The following ATXN2 variants were observed in gnomAD, a reference collection of about 807,000 sequenced individuals.
The protein encoded by ATXN2 is ataxin 2, also known as ataxin-2.
A neutral mutation model predicts 138.6 loss-of-function variants in ATXN2; 37 were observed. The observed-to-expected ratio is 0.27, with a 90% confidence interval of 0.21 to 0.35. The LOEUF is 0.35. ATXN2 is among the 10% of genes least tolerant of loss of function. The pLI is 1.00. For missense variants in ATXN2, 1,216 were observed against 1,480.3 expected, an observed-to-expected ratio of 0.82 and a Z score of 2.93; for synonymous variants, 549 against 543.7, an observed-to-expected ratio of 1.01 and a Z score of -0.13.
chr12:111,465,977 C>T (rs1265645697), intron 20 of ATXN2, among the ~76,000 whole-genome samples: 1 of 149,308 alleles, frequency 6.7e-6, no homozygotes, highest in East Asian at 2.0e-4. Context: ...ACCAGCCTGA[C>T]CAACATGGTG....
At chr12:111,505,070 C>A (rs1030364119) in intron 14 of ATXN2, among the ~76,000 whole-genome samples, 1 of 152,048 alleles carries the variant, frequency 6.6e-6, no homozygotes, top group Non-Finnish European at 1.5e-5. Flanking sequence ...CAAAAAAATA[C>A]AAAAGTTATT....
In ATXN2 at chr12:111,485,613, A is replaced by G. The variant is rs2285518; in HGVS notation, c.2457+100T>C. ...GCCTGTCTGTTTCAAATGCATATGC[A>G]TAACCATCACACCCTCAAGTCACTG... On this transcript the variant is annotated intron_variant, in intron 17 of 24. Transcript: ENST00000673436. The G allele has an allele frequency of 0.032, 45,899 of 1,426,088 alleles. 9,001 individuals carry two copies. In the East Asian group the frequency reaches 0.59, roughly 18 times the overall value. The allele number at this position is 1,426,088 out of a possible 1,614,324, so 88.3% of individuals were successfully genotyped here.
At chr12:111,499,468 C>G (rs1378491584) in intron 14 of ATXN2, among the ~76,000 whole-genome samples, 1 of 152,186 alleles carries the variant, frequency 6.6e-6, no homozygotes, top group African/African-American at 2.4e-5. Flanking sequence ...CTTTGGGAGG[C>G]TGAGGCAGGT....
At position 111,510,933 on chromosome 12, in the gene ATXN2, T is replaced by C. The variant is rs190777418; in HGVS notation, c.1559-351A>G. 692 of 168,932 alleles carry C rather than the reference T, an allele frequency of 4.1e-3. 3 individuals are homozygous for C. The highest frequency in any genetic ancestry group is 0.015 in the African/African-American group (643 of 41,756). The allele number at this position is 168,932 out of a possible 1,614,324, so 10.5% of individuals were successfully genotyped here. A position where few individuals can be genotyped will look rare whatever the true frequency, so the allele number is the denominator to read the frequency against. ...TAGTAGAGACGGGGTTTCACCATGC[T>C]GGCCAGGCTGGTCTCAAACTCCTGA... On this transcript the variant is annotated intron_variant, in intron 11 of 24. Transcript: ENST00000673436.
At chr12:111,503,715 G>C (rs979117769) in intron 14 of ATXN2, among the ~76,000 whole-genome samples, 1 of 151,412 alleles carries the variant, frequency 6.6e-6, no homozygotes, top group Admixed American at 6.6e-5. Flanking sequence ...TCAGCCTCCT[G>C]AGTAGCTGGG....
intron 1 of ATXN2, among the ~76,000 whole-genome samples, chr12:111,579,777 C>T (rs1168244109): frequency 6.6e-6 from 1 of 151,234 alleles, no homozygotes; most frequent in Non-Finnish European, 1.5e-5. Context: ...TGGTTCACTG[C>T]AACCTCCTCC....
At chr12:111,520,477 C>G (rs1880095847) in intron 7 of ATXN2, among the ~76,000 whole-genome samples, 1 of 151,940 alleles carries the variant, frequency 6.6e-6, no homozygotes, top group Non-Finnish European at 1.5e-5. Context: ...ATGGTGAAAC[C>G]CCGTCTCTAC....
At chr12:111,542,146 T>G (rs940782785) in intron 5 of ATXN2, among the ~76,000 whole-genome samples, 5 of 148,374 alleles carry the variant, frequency 3.4e-5, no homozygotes, top group Non-Finnish European at 7.6e-5. Flanking sequence ...CCATTCAAAG[T>G]ATGGCATGTT....
At chr12:111,594,342 ATT>A (rs879733716) in intron 1 of ATXN2, among the ~76,000 whole-genome samples, 11 of 145,866 alleles carry the variant, frequency 7.5e-5, no homozygotes, top group African/African-American at 1.2e-4. Flanking sequence ...ATCACAGCAC[ATT>A]TTTTTTTTTT....
intron 1 of ATXN2, among the ~76,000 whole-genome samples, chr12:111,568,169 G>A (rs754963469): frequency 3.3e-5 from 5 of 152,014 alleles, no homozygotes; most frequent in Non-Finnish European, 5.9e-5. Context: ...GCTGAGGCAG[G>A]AGAATCGCTT....
At position 111,589,498 on chromosome 12, in the gene ATXN2, G is replaced by A. The variant is rs1295398326; in HGVS notation, c.251+9286C>T. On this transcript the variant is annotated intron_variant, in intron 1 of 24. Coordinates refer to ENST00000673436, the MANE Select transcript of ATXN2 (RefSeq NM_001372574.1). ...ATAAAAACAAACAAAAAAGCTAGGC[G>A]CAGTGGCTTATGCCTGTAATTCCAG... 4.6e-5 allele frequency among the ~76,000 whole-genome samples: 7 copies of A among 151,946 alleles called. No individual in the cohort carries two copies. In the South Asian group the frequency reaches 8.3e-4, roughly 18 times the overall value.
At chr12:111,480,701 T>C (rs899148444) in intron 18 of ATXN2, among the ~76,000 whole-genome samples, 1 of 152,052 alleles carries the variant, frequency 6.6e-6, no homozygotes, top group African/African-American at 2.4e-5. Flanking sequence ...GAGGAAAGAA[T>C]AGTCTTTTCA....
intron 20 of ATXN2, among the ~76,000 whole-genome samples, chr12:111,468,153 A>G (rs1211760474): frequency 2.0e-5 from 3 of 152,274 alleles, no homozygotes; most frequent in Non-Finnish European, 4.4e-5. Flanking sequence ...CAAACAGGAA[A>G]ATTGTTAAAA....
intron 5 of ATXN2, among the ~76,000 whole-genome samples, chr12:111,547,256 G>T (rs539446808): frequency 1.3e-5 from 2 of 151,964 alleles, no homozygotes; most frequent in African/African-American, 4.8e-5. Flanking sequence ...GTGAAACCCC[G>T]TCTCTACTAA....
At chr12:111,548,123 G>A (rs1204173948) in intron 5 of ATXN2, among the ~76,000 whole-genome samples, 1 of 151,958 alleles carries the variant, frequency 6.6e-6, no homozygotes, top group Non-Finnish European at 1.5e-5. Flanking sequence ...AACCCAGGAG[G>A]TGGAGGTTGC....
At position 111,487,842 on chromosome 12, in the gene ATXN2, A is replaced by G. The variant is rs77111075; in HGVS notation, c.2240+634T>C. Among the ~76,000 whole-genome samples, 806 of 152,248 alleles carry G rather than the reference A, an allele frequency of 5.3e-3. 8 individuals carry two copies. Among genetic ancestry groups the G allele is most frequent in the African/African-American group, 0.018 (767 of 41,546 alleles). ...GAAAAAGTCATGGCTGTAAAAAAAA[A>G]TTGCCTCAAATCAAGAATAAGCAGT... On this transcript the variant is annotated intron_variant, in intron 15 of 24. Coordinates refer to ENST00000673436, the MANE Select transcript of ATXN2 (RefSeq NM_001372574.1).
Position 111,491,129 on chromosome 12 carries a change from G to A in ATXN2, c.1936-2349C>T, listed in dbSNP as rs4264205. ...TTAGCCAGAGGTGGTAGCGCATGCC[G>A]GTAATCCCAGCTACTCAGGAGGCTG... On this transcript the variant is annotated intron_variant, in intron 14 of 24. Transcript: ENST00000673436. Among the ~76,000 whole-genome samples, 5,552 of 152,082 alleles carry A rather than the reference G, an allele frequency of 0.037. 977 individuals are homozygous for A. In the East Asian group the frequency reaches 0.57, roughly 16 times the overall value.
intron 5 of ATXN2, among the ~76,000 whole-genome samples, chr12:111,536,299 A>T (rs1489162638): frequency 6.6e-6 from 1 of 152,204 alleles, no homozygotes; most frequent in African/African-American, 2.4e-5. Flanking sequence ...TTCACTGTTA[A>T]ATCTTTTGGT....
chr12:111,513,642 CA>C lies in ATXN2; in HGVS notation c.1376-104del, dbSNP rs757658305. On this transcript the variant is annotated intron_variant, in intron 10 of 24. Transcript: ENST00000673436. Reference sequence around the variant, plus strand: ...ACACACACATGCACACACACTCACTCACTCTACAGTTTTTCCTTGGTTAAAA... The same window carrying C: ...ACACACACATGCACACACACTCACTCCTCTACAGTTTTTCCTTGGTTAAAA... 1.7e-5 allele frequency: 16 copies of C among 928,848 alleles called. No homozygotes were observed. The East Asian group carries it at 3.6e-4, about 21-fold the overall frequency. 57.5% of individuals were successfully genotyped at this position (928,848 alleles called of 1,614,324 possible).
Sources: gnomAD v4.1 joint callset for allele counts (sites outside exome capture counted in the v4.1 genomes callset) on GRCh38, gnomAD v4.1.1 for gene constraint, MANE v1.5 for transcripts, NCBI Gene and HGNC (gene_info 2026-07-23, HGNC 2026-07-21) for gene names.